The following NRG3 variants were observed in gnomAD, a reference collection of about 807,000 sequenced individuals.
NRG3 encodes pro-neuregulin-3, membrane-bound isoform.
In NRG3, 31 loss-of-function variants were observed where a neutral mutation model predicts 66.9. That is an observed-to-expected ratio of 0.46 (90% CI 0.35 to 0.63). NRG3 has a LOEUF of 0.63. Ranked by LOEUF, NRG3 falls within the 20% of genes least tolerant of loss-of-function variation. The probability of loss-of-function intolerance (pLI) is 0.00; values close to 1 mark genes in which losing one functional copy is unlikely to be tolerated. For synonymous variants in NRG3, 393 were observed against 359.4 expected, an observed-to-expected ratio of 1.09 and a Z score of -1.06; for missense variants, 910 against 878.9, an observed-to-expected ratio of 1.04 and a Z score of -0.45.
Position 82,914,842 on chromosome 10 carries a change from G to GA in NRG3, c.1055-36625dup, listed in dbSNP as rs572174921. 6.8e-4 allele frequency among the ~76,000 whole-genome samples: 104 copies of GA among 152,132 alleles called. No individual in the cohort carries two copies. In the East Asian group the frequency reaches 0.015, roughly 22 times the overall value. ...TTCCCTCCAATGTTGAATGTTAGAG[G>GA]AAGCTGTAATTGGGTATTTCTCATG... On this transcript the variant is annotated intron_variant, in intron 4 of 8. Coordinates refer to ENST00000372141, the MANE Select transcript of NRG3 (RefSeq NM_001010848.4).
chr10:82,922,538 C>T (rs1218781261), intron 4 of NRG3, among the ~76,000 whole-genome samples: 1 of 152,112 alleles, frequency 6.6e-6, no homozygotes, highest in Non-Finnish European at 1.5e-5. Context: ...CCTTCTAGGA[C>T]CCACCCTCAT....
intron 2 of NRG3, among the ~76,000 whole-genome samples, chr10:82,373,036 T>A (rs2084989063): frequency 6.6e-6 from 1 of 152,220 alleles, no homozygotes; most frequent in Non-Finnish European, 1.5e-5. Flanking sequence ...CACATTCAAG[T>A]GAAAATGTTC....
At chr10:82,013,402 A>G (rs1207418415) in intron 1 of NRG3, among the ~76,000 whole-genome samples, 1 of 152,218 alleles carries the variant, frequency 6.6e-6, no homozygotes, top group Non-Finnish European at 1.5e-5. Context: ...GAGCCAAACC[A>G]TATCATAAAC....
intron 1 of NRG3, among the ~76,000 whole-genome samples, chr10:82,057,130 C>G (rs1044847618): frequency 6.6e-6 from 1 of 152,084 alleles, no homozygotes; most frequent in Non-Finnish European, 1.5e-5. Flanking sequence ...TTCCTATTTT[C>G]CATCACCCCT....
chr10:82,868,820 G>A (rs1212909911), intron 4 of NRG3, among the ~76,000 whole-genome samples: 1 of 152,068 alleles, frequency 6.6e-6, no homozygotes, highest in Non-Finnish European at 1.5e-5. Context: ...AGCCTCCCAA[G>A]TAGCTGAGAT....
chr10:82,512,803 A>G (rs181623101), intron 2 of NRG3, among the ~76,000 whole-genome samples: 4 of 152,314 alleles, frequency 2.6e-5, no homozygotes, highest in Admixed American at 6.5e-5. Flanking sequence ...TGACTCCTAT[A>G]TAAATGAAAC....
At chr10:82,979,929 C>T (rs1051903694) in intron 8 of NRG3, among the ~76,000 whole-genome samples, 5 of 152,252 alleles carry the variant, frequency 3.3e-5, no homozygotes, top group African/African-American at 4.8e-5. Flanking sequence ...ATAGACCAGA[C>T]GCACTGCCTC....
At chr10:81,883,113 A>G (rs1449902582) in intron 1 of NRG3, among the ~76,000 whole-genome samples, 1 of 152,054 alleles carries the variant, frequency 6.6e-6, no homozygotes, top group Non-Finnish European at 1.5e-5. Flanking sequence ...TTTGGAGAGA[A>G]TTTGTGTGAA....
chr10:82,376,994 C>T (rs568777482), intron 2 of NRG3, among the ~76,000 whole-genome samples: 1 of 152,220 alleles, frequency 6.6e-6, no homozygotes, highest in East Asian at 1.9e-4. Context: ...GACTCTTAAC[C>T]CAAATCTCTC....
chr10:81,927,044 C>T (rs372715784), intron 1 of NRG3, among the ~76,000 whole-genome samples: 2 of 152,056 alleles, frequency 1.3e-5, no homozygotes, highest in East Asian at 3.9e-4. Flanking sequence ...AGATTCTAAT[C>T]GATGATTGGA....
chr10:82,702,657 G>A (rs1267726075), intron 2 of NRG3, among the ~76,000 whole-genome samples: 3 of 152,134 alleles, frequency 2.0e-5, no homozygotes, highest in African/African-American at 7.2e-5. Flanking sequence ...CTATCAGGAA[G>A]CAGTGAATTC....
intron 2 of NRG3, among the ~76,000 whole-genome samples, chr10:82,407,580 C>A (rs2087617144): frequency 6.6e-6 from 1 of 152,262 alleles, no homozygotes; most frequent in South Asian, 2.1e-4. Context: ...TAATGCCTTA[C>A]TGTGCTTAGT....
At chr10:82,757,255 G>C (rs1240198980) in intron 3 of NRG3, among the ~76,000 whole-genome samples, 1 of 152,070 alleles carries the variant, frequency 6.6e-6, no homozygotes, top group African/African-American at 2.4e-5. Flanking sequence ...GTACTGGAGA[G>C]TTTATGAAGC....
intron 1 of NRG3, among the ~76,000 whole-genome samples, chr10:81,985,830 G>C (rs1221366056): frequency 6.6e-6 from 1 of 152,140 alleles, no homozygotes; most frequent in African/African-American, 2.4e-5. Flanking sequence ...CTTTGATAAA[G>C]GAAAATAACA....
intron 2 of NRG3, among the ~76,000 whole-genome samples, chr10:82,690,940 C>G (rs1193550372): frequency 2.0e-5 from 3 of 152,132 alleles, no homozygotes; most frequent in Non-Finnish European, 2.9e-5. Flanking sequence ...CTCTTTCTTC[C>G]AGCCTGGTAC....
intron 2 of NRG3, among the ~76,000 whole-genome samples, chr10:82,368,886 A>G (rs2084706677): frequency 7.2e-6 from 1 of 138,586 alleles, no homozygotes; most frequent in African/African-American, 3.4e-5. Flanking sequence ...AAATATTTCA[A>G]TAAAACCTTC....
chr10:82,558,512 C>G (rs1174253184), intron 2 of NRG3, among the ~76,000 whole-genome samples: 1 of 152,118 alleles, frequency 6.6e-6, no homozygotes, highest in Non-Finnish European at 1.5e-5. Flanking sequence ...GCAGGGTGAG[C>G]AGCAATCAAG....
chr10:82,327,929 C>T (rs978023354), intron 1 of NRG3, among the ~76,000 whole-genome samples: 3 of 152,288 alleles, frequency 2.0e-5, no homozygotes, highest in East Asian at 3.9e-4. Context: ...CATACCCTCC[C>T]GTGTCTCTTC....
At chr10:82,523,902 C>T (rs1846440237) in intron 2 of NRG3, among the ~76,000 whole-genome samples, 1 of 152,080 alleles carries the variant, frequency 6.6e-6, no homozygotes, top group Admixed American at 6.5e-5. Context: ...TCTCATTAGT[C>T]ATCCGATTTT....
Sources: allele counts gnomAD v4.1 joint callset (sites outside exome capture counted in the v4.1 genomes callset), GRCh38; gene constraint gnomAD v4.1.1; transcripts MANE v1.5; gene names NCBI Gene and HGNC (gene_info 2026-07-23, HGNC 2026-07-21).